Variants in SLC2A13 observed in about 807,000 individuals in gnomAD.
The protein encoded by SLC2A13 is proton myo-inositol cotransporter.
Under a neutral mutation model 64.4 loss-of-function variants are expected in SLC2A13, and 32 were observed. The observed-to-expected ratio is 0.50, with a 90% confidence interval of 0.37 to 0.67. The LOEUF (loss-of-function observed/expected upper bound fraction) is 0.67. Among genes scored for constraint, SLC2A13 ranks in the 30% least tolerant of loss-of-function variants. SLC2A13 has a pLI of 0.00. For synonymous variants in SLC2A13, 338 were observed against 327.1 expected, an observed-to-expected ratio of 1.03 and a Z score of -0.36; for missense variants, 743 against 829.2, an observed-to-expected ratio of 0.90 and a Z score of 1.28.
At chr12:39,785,821 A>G (rs1941164913) in intron 7 of SLC2A13, among the ~76,000 whole-genome samples, 1 of 152,136 alleles carries the variant, frequency 6.6e-6, no homozygotes, top group Non-Finnish European at 1.5e-5. Context: ...GGAGCTTTAA[A>G]ATTAGACTGC....
At position 40,058,212 on chromosome 12, in the gene SLC2A13, T is replaced by G. The variant is rs113846266; in HGVS notation, c.557-10002A>C. 9.5e-3 allele frequency among the ~76,000 whole-genome samples: 1,444 copies of G among 152,192 alleles called. 8 individuals are homozygous for G. Among genetic ancestry groups the G allele is most frequent in the Non-Finnish European group, 0.014 (958 of 67,978 alleles). ...TGTCACATAACTTGTTTTCCCAGGG[T>G]CTTCGATGATAATCCATGGCAATCA... On this transcript the variant is annotated intron_variant, in intron 1 of 9. Coordinates refer to ENST00000280871, the MANE Select transcript of SLC2A13 (RefSeq NM_052885.4).
intron 3 of SLC2A13, 145 bp downstream of exon 3, chr12:40,028,156 G>T: frequency 5.0e-6 from 2 of 397,480 alleles, no homozygotes; most frequent in South Asian, 1.1e-4. Flanking sequence ...TTTATATATG[G>T]ATATTTTTGT....
intron 3 of SLC2A13, among the ~76,000 whole-genome samples, chr12:39,964,943 T>A (rs1946481704): frequency 6.6e-6 from 1 of 152,140 alleles, no homozygotes; most frequent in Non-Finnish European, 1.5e-5. Context: ...TAAGTATGAA[T>A]CAAAATCTAG....
At position 39,771,810 on chromosome 12, in the gene SLC2A13, G is replaced by C. The variant is rs904436024; in HGVS notation, c.1446-6952C>G. On this transcript the variant is annotated intron_variant, in intron 7 of 9. Transcript: ENST00000280871. The stretch of plus-strand genomic sequence containing the variant: ...ATTCCAGCAGTCTACAAAATGGCCT[G>C]CAAAATGTGGCTGCAGCCTACCTTA... Among the ~76,000 whole-genome samples, 4 of 152,218 alleles carry C rather than the reference G, an allele frequency of 2.6e-5. No homozygotes were observed. The East Asian group carries it at 7.7e-4, about 29-fold the overall frequency.
At chr12:40,039,212 C>T (rs1455877298) in intron 2 of SLC2A13, among the ~76,000 whole-genome samples, 1 of 152,132 alleles carries the variant, frequency 6.6e-6, no homozygotes, top group Non-Finnish European at 1.5e-5. Flanking sequence ...CTAATACTGT[C>T]TCTCTAGAAG....
intron 9 of SLC2A13, among the ~76,000 whole-genome samples, chr12:39,760,793 T>C (rs573111037): frequency 6.6e-6 from 1 of 152,082 alleles, no homozygotes. Flanking sequence ...CACATAAATA[T>C]TAGCTAGTTT....
intron 1 of SLC2A13, among the ~76,000 whole-genome samples, chr12:40,087,662 C>T (rs1938627608): frequency 1.3e-5 from 2 of 152,080 alleles, no homozygotes; most frequent in African/African-American, 4.8e-5. Context: ...TGGTCCCTGT[C>T]CTTAAGGAAC....
rs978131410 is a variant in SLC2A13, at chr12:39,900,489, G to C, written c.1035-28528C>G. On this transcript the variant is annotated intron_variant, in intron 4 of 9. Transcript: ENST00000280871. Reference sequence around the variant, plus strand: ...TAAGCTGATAAGCAACTTCAGCAAAGTCTCAGGATACAAAATCAATGTGCA... The same window carrying C: ...TAAGCTGATAAGCAACTTCAGCAAACTCTCAGGATACAAAATCAATGTGCA... Among the ~76,000 whole-genome samples the C allele has an allele frequency of 1.6e-4, 24 of 152,126 alleles. No individual in the cohort carries two copies. The East Asian group carries it at 4.6e-3, about 29-fold the overall frequency.
chr12:40,104,418 T>A (rs1939235183), intron 1 of SLC2A13, among the ~76,000 whole-genome samples: 2 of 152,200 alleles, frequency 1.3e-5, no homozygotes, highest in South Asian at 4.1e-4. Flanking sequence ...AGGAGAACCT[T>A]AATGCCTTCA....
chr12:40,060,726 G>A (rs1363127616), intron 1 of SLC2A13, among the ~76,000 whole-genome samples: 1 of 152,030 alleles, frequency 6.6e-6, no homozygotes, highest in Non-Finnish European at 1.5e-5. Flanking sequence ...TCAAGAACAA[G>A]GGCAAAATTC....
At chr12:40,068,499 T>G (rs1377425886) in intron 1 of SLC2A13, 2 of 271,608 alleles carry the variant, frequency 7.4e-6, no homozygotes, top group Admixed American at 8.1e-5. Flanking sequence ...AATCTGCTTG[T>G]ACCCCAGGAC....
In SLC2A13 at chr12:39,840,988, G is replaced by A. The variant is rs1188859308; in HGVS notation, c.1320-10760C>T. On this transcript the variant is annotated intron_variant, in intron 6 of 9. Coordinates refer to ENST00000280871, the MANE Select transcript of SLC2A13 (RefSeq NM_052885.4). ...TTCAGTCCATGAAGATAACAAGATT[G>A]AAGCTTGAATCACACCATGAATTGT... 1.3e-4 allele frequency among the ~76,000 whole-genome samples: 20 copies of A among 152,202 alleles called. No homozygotes were observed. In the East Asian group the frequency reaches 3.7e-3, roughly 28 times the overall value.
chr12:39,987,561 T>C (rs1947052148), intron 3 of SLC2A13, among the ~76,000 whole-genome samples: 1 of 152,200 alleles, frequency 6.6e-6, no homozygotes, highest in South Asian at 2.1e-4. Flanking sequence ...TTCAAACAGC[T>C]ATGAATTTAG....
intron 3 of SLC2A13, among the ~76,000 whole-genome samples, chr12:40,023,117 C>T (rs1273617527): frequency 6.6e-6 from 1 of 152,216 alleles, no homozygotes; most frequent in East Asian, 1.9e-4. Flanking sequence ...TTTAATTTCC[C>T]TAGCTTCCCT....
At chr12:39,968,722 G>C (rs1946574681) in intron 3 of SLC2A13, among the ~76,000 whole-genome samples, 1 of 96,042 alleles carries the variant, frequency 1.0e-5, no homozygotes, top group Non-Finnish European at 2.2e-5. Context: ...TACTCTCTAA[G>C]CCTGCCCTTT....
intron 3 of SLC2A13, among the ~76,000 whole-genome samples, chr12:39,972,092 A>AATTTATATATATAGAATTCATATT (rs71078208): frequency 7.1e-6 from 1 of 140,226 alleles, no homozygotes; most frequent in African/African-American, 2.6e-5. Context: ...ATTTATATAT[A>AATTTATATATATAGAATTCATATT]TATATATAAA....
At chr12:39,951,417 A>G in intron 3 of SLC2A13, 52 bp from the exon 4 acceptor site, 1 of 1,425,156 alleles carries the variant, frequency 7.0e-7, no homozygotes, top group Non-Finnish European at 9.4e-7. Context: ...TTTAGCTCTC[A>G]TAGTAATTAT....
chr12:40,086,316 G>A (rs1370874768), intron 1 of SLC2A13, among the ~76,000 whole-genome samples: 2 of 151,870 alleles, frequency 1.3e-5, no homozygotes, highest in South Asian at 2.1e-4. Flanking sequence ...CTGAATAACC[G>A]GTTAATCTGA....
At chr12:39,964,331 G>T (rs1366015754) in intron 3 of SLC2A13, among the ~76,000 whole-genome samples, 3 of 152,156 alleles carry the variant, frequency 2.0e-5, no homozygotes, top group Admixed American at 1.3e-4. Flanking sequence ...GAGTAAAGAT[G>T]TTCTATAAAA....
Sources: allele counts gnomAD v4.1 joint callset (sites outside exome capture counted in the v4.1 genomes callset), GRCh38; gene constraint gnomAD v4.1.1; transcripts MANE v1.5; gene names NCBI Gene and HGNC (gene_info 2026-07-23, HGNC 2026-07-21).